Variants in METTL24 observed in about 807,000 individuals in gnomAD.
METTL24 encodes the protein methyltransferase like 24.
Under a neutral mutation model 32.7 loss-of-function variants are expected in METTL24, and 29 were observed. That is an observed-to-expected ratio of 0.89 (90% CI 0.66 to 1.21). METTL24 has a LOEUF of 1.21. Ranked by LOEUF, METTL24 falls within the 50% of genes most tolerant of loss-of-function variation. The pLI, the probability that METTL24 is intolerant of heterozygous loss-of-function variation, is 0.00. For synonymous variants in METTL24, 163 were observed against 179.5 expected (o/e 0.91, Z 0.73); for missense variants, 439 against 468.1 (o/e 0.94, Z 0.57).
chr6:110,339,429 A>G (rs931646790), intron 1 of METTL24, among the ~76,000 whole-genome samples: 2 of 152,256 alleles, frequency 1.3e-5, no homozygotes, highest in Non-Finnish European at 2.9e-5. Context: ...AATAAAGGCT[A>G]GGTGCCATTT....
At chr6:110,312,693 G>C (rs1771745604) in intron 3 of METTL24, among the ~76,000 whole-genome samples, 1 of 151,834 alleles carries the variant, frequency 6.6e-6, no homozygotes, top group African/African-American at 2.4e-5. Flanking sequence ...ATCAGATGCT[G>C]GGAAGGGTGT....
At chr6:110,306,431 A>G (rs1325635409) in intron 3 of METTL24, among the ~76,000 whole-genome samples, 1 of 151,840 alleles carries the variant, frequency 6.6e-6, no homozygotes, top group Non-Finnish European at 1.5e-5. Context: ...TTTTTTATAT[A>G]TCTTTCCAGA....
intron 4 of METTL24, among the ~76,000 whole-genome samples, chr6:110,248,625 T>C (rs1201025789): frequency 6.7e-6 from 1 of 149,238 alleles, no homozygotes; most frequent in Non-Finnish European, 1.5e-5. Context: ...CAGGCTAAAA[T>C]AATTCTTGTG....
chr6:110,258,884 G>A (rs79612029), intron 4 of METTL24, among the ~76,000 whole-genome samples: 3,283 of 151,906 alleles, frequency 0.022, 118 homozygotes, highest in African/African-American at 0.075. Context: ...GCAACTCTAA[G>A]TCTTCATTCT....
chr6:110,308,804 G>A (rs1771668925), intron 3 of METTL24, among the ~76,000 whole-genome samples: 1 of 152,180 alleles, frequency 6.6e-6, no homozygotes, highest in East Asian at 1.9e-4. Context: ...CTGCAATGTG[G>A]CTGAACCTTG....
At chr6:110,250,724 A>G (rs1438914285) in intron 4 of METTL24, among the ~76,000 whole-genome samples, 1 of 152,228 alleles carries the variant, frequency 6.6e-6, no homozygotes, top group African/African-American at 2.4e-5. Flanking sequence ...ACATCAGCCA[A>G]CACTGACTGC....
At chr6:110,264,066 G>T (rs1334492198) in intron 4 of METTL24, among the ~76,000 whole-genome samples, 1 of 151,930 alleles carries the variant, frequency 6.6e-6, no homozygotes, top group Non-Finnish European at 1.5e-5. Context: ...CATGGGCAAG[G>T]ACTTCATGTC....
At chr6:110,304,119 C>T (rs1771586695) in intron 3 of METTL24, among the ~76,000 whole-genome samples, 1 of 152,114 alleles carries the variant, frequency 6.6e-6, no homozygotes. Context: ...GCAATAGAAT[C>T]AACATCAACA....
chr6:110,340,799 A>T (rs748674745), intron 1 of METTL24, among the ~76,000 whole-genome samples: 10 of 152,172 alleles, frequency 6.6e-5, no homozygotes, highest in Admixed American at 1.3e-4. Flanking sequence ...TGAACACAGC[A>T]TTCCCCCGTA....
At chr6:110,340,034 A>T (rs530930576) in intron 1 of METTL24, among the ~76,000 whole-genome samples, 3 of 152,356 alleles carry the variant, frequency 2.0e-5, no homozygotes, top group African/African-American at 7.2e-5. Flanking sequence ...TTTAGCATTC[A>T]TCATTTTAAC....
At chr6:110,276,408 G>A (rs143732098) in intron 4 of METTL24, among the ~76,000 whole-genome samples, 34 of 152,260 alleles carry the variant, frequency 2.2e-4, no homozygotes, top group African/African-American at 5.8e-4. Flanking sequence ...CTGTGATCAC[G>A]CCACTGCACT....
chr6:110,295,901 T>C (rs778913664), intron 4 of METTL24, among the ~76,000 whole-genome samples: 8 of 152,106 alleles, frequency 5.3e-5, no homozygotes, highest in Non-Finnish European at 1.2e-4. Flanking sequence ...CTGAAAACAA[T>C]TGAGTGACTA....
intron 1 of METTL24, among the ~76,000 whole-genome samples, chr6:110,352,093 C>T (rs978477850): frequency 3.9e-5 from 6 of 152,012 alleles, no homozygotes; most frequent in African/African-American, 1.4e-4. Context: ...AAGTCTATTC[C>T]CCTACGATCT....
chr6:110,355,843 C>T (rs956584627), intron 1 of METTL24, among the ~76,000 whole-genome samples: 4 of 152,184 alleles, frequency 2.6e-5, no homozygotes, highest in African/African-American at 9.7e-5. Flanking sequence ...GCAAGCCACC[C>T]CCATCTCCAG....
intron 4 of METTL24, among the ~76,000 whole-genome samples, chr6:110,296,110 T>C (rs1339731837): frequency 6.6e-6 from 1 of 152,156 alleles, no homozygotes; most frequent in African/African-American, 2.4e-5. Flanking sequence ...TGAGCTTACA[T>C]AGAGAAACCC....
intron 1 of METTL24, among the ~76,000 whole-genome samples, chr6:110,356,548 C>T (rs1389833916): frequency 1.3e-5 from 2 of 152,122 alleles, no homozygotes; most frequent in African/African-American, 4.8e-5. Flanking sequence ...TTCTTGACTC[C>T]CCAGGCAGAG....
intron 4 of METTL24, among the ~76,000 whole-genome samples, chr6:110,292,964 T>C (rs2114726615): frequency 6.6e-6 from 1 of 152,194 alleles, no homozygotes; most frequent in East Asian, 1.9e-4. Flanking sequence ...TGTTTATCTG[T>C]TCATGCAATA....
At chr6:110,308,567 T>C (rs1771665234) in intron 3 of METTL24, among the ~76,000 whole-genome samples, 2 of 152,158 alleles carry the variant, frequency 1.3e-5, no homozygotes, top group Admixed American at 6.5e-5. Context: ...CATAGATTAC[T>C]GGTGGGAATG....
rs1377273696 is a variant in METTL24, at chr6:110,315,620, AG to A, written c.418-140del. 16 of 814,454 alleles carry A rather than the reference AG, an allele frequency of 2.0e-5. No homozygotes were observed. The East Asian group carries it at 3.9e-4, about 20-fold the overall frequency. 50.5% of individuals were successfully genotyped at this position (814,454 alleles called of 1,614,324 possible). A position where few individuals can be genotyped will look rare whatever the true frequency, so the allele number is the denominator to read the frequency against. On this transcript the variant is annotated intron_variant, in intron 2 of 4. Coordinates refer to ENST00000338882, the MANE Select transcript of METTL24 (RefSeq NM_001123364.3). ...TCCACTGCTAACAACTCCCCTCCCC[AG>A]GGAACCACAAGACTGCTATAAAGTG...
Sources: allele counts gnomAD v4.1 joint callset (sites outside exome capture counted in the v4.1 genomes callset), GRCh38; gene constraint gnomAD v4.1.1; transcripts MANE v1.5; gene names NCBI Gene and HGNC (gene_info 2026-07-23, HGNC 2026-07-21).